SLC17A3: variants seen among roughly 807,000 people sequenced by gnomAD.
SLC17A3 encodes the protein solute carrier family 17 member 3.
A neutral mutation model predicts 60.3 loss-of-function variants in SLC17A3; 61 were observed. The ratio of observed to expected loss-of-function variants is 1.01; its 90% CI spans 0.82 to 1.25. The LOEUF is 1.25. SLC17A3 is among the 50% of genes most tolerant of loss of function. The pLI is 0.00. For synonymous variants in SLC17A3, 192 were observed against 208.9 expected, an observed-to-expected ratio of 0.92 and a Z score of 0.70; for missense variants, 624 against 594.9, an observed-to-expected ratio of 1.05 and a Z score of -0.51.
At chr6:25,846,665 C>T (rs1265400909) in intron 11 of SLC17A3, among the ~76,000 whole-genome samples, 1 of 152,144 alleles carries the variant, frequency 6.6e-6, no homozygotes, top group Non-Finnish European at 1.5e-5. Flanking sequence ...GGCTGGAGTA[C>T]AGTGGCACGA....
chr6:25,847,044 AGTT>A (rs1475493724), intron 11 of SLC17A3, among the ~76,000 whole-genome samples: 1 of 151,298 alleles, frequency 6.6e-6, no homozygotes, highest in African/African-American at 2.4e-5. Flanking sequence ...AGTCCCCAAT[AGTT>A]TTTTTTTTCT....
At chr6:25,872,583 C>CAT (rs3034382) in intron 1 of SLC17A3, among the ~76,000 whole-genome samples, 101,056 of 146,236 alleles carry the variant, frequency 0.69, 35,500 homozygotes, top group East Asian at 0.84. Flanking sequence ...ATATTTTATA[C>CAT]ATATATATAT....
intron 1 of SLC17A3, among the ~76,000 whole-genome samples, chr6:25,869,126 T>G (rs550161190): frequency 1.4e-4 from 21 of 152,116 alleles, no homozygotes; most frequent in Non-Finnish European, 2.5e-4. Flanking sequence ...GTTCTAGAAA[T>G]AACTAACATG....
intron 5 of SLC17A3, among the ~76,000 whole-genome samples, chr6:25,857,760 C>T (rs1236383310): frequency 6.6e-6 from 1 of 152,118 alleles, no homozygotes; most frequent in Admixed American, 6.5e-5. Flanking sequence ...AAAACAGCAT[C>T]TTTTTCTACC....
chr6:25,855,378 T>G (rs1765341916), intron 5 of SLC17A3, 148 bp from the exon 6 acceptor site: 1 of 641,246 alleles, frequency 1.6e-6, no homozygotes, highest in African/African-American at 1.8e-5. Flanking sequence ...ATTTATGATT[T>G]AAGAACATAT....
Position 25,845,385 on chromosome 6 carries a change from T to C in SLC17A3, c.1494A>G (p.Leu498=), listed in dbSNP as rs377397851. ...ATAAAATCACTATCCTTTACCTTCA[T>C]AAACGAGTGAGTTTTCTCTCTTTAG... ...EWAKERKLTR[L] The change falls in exon 12 of 13, where the codon TTA becomes TTG. Residue 498 remains leucine, a synonymous_variant. Transcript: ENST00000397060. The C allele has an allele frequency of 6.2e-7, 1 of 1,613,974 alleles. No homozygotes were observed. Among genetic ancestry groups the C allele is most frequent in the Non-Finnish European group, 8.5e-7 (1 of 1,179,892 alleles).
At position 25,855,433 on chromosome 6, in the gene SLC17A3, T is replaced by C. The variant is rs549670749; in HGVS notation, c.626-203A>G. On this transcript the variant is annotated intron_variant, in intron 5 of 12. Transcript: ENST00000397060. ...AGAGCACATTTTTCTGGTAGTTCCC[T>C]ATAACATAGCAGATGACTGTCATAC... Among the ~76,000 whole-genome samples the C allele has an allele frequency of 2.0e-5, 3 of 152,344 alleles. No individual in the cohort carries two copies. In the East Asian group the frequency reaches 5.8e-4, roughly 29 times the overall value.
Position 25,861,665 on chromosome 6 carries a change from G to A in SLC17A3, c.584C>T (p.Pro195Leu). Residue 195 changes from proline (P) to leucine (L), a missense_variant, in exon 5 of 13, where the codon CCT becomes CTT. Transcript: ENST00000397060. ...GQFAIWEKWG[P>L]PQERSRLCSI... ...GCAGAGTCTGCTTCGTTCTTGTGGA[G>A]GGCCCCACTTTTCCCAAATTGCAAA... is the stretch of plus-strand genomic sequence containing the variant. The A allele has an allele frequency of 6.2e-7, 1 of 1,614,012 alleles. No individual in the cohort carries two copies. The highest frequency in any genetic ancestry group is 8.5e-7 in the Non-Finnish European group (1 of 1,179,916).
intron 11 of SLC17A3, among the ~76,000 whole-genome samples, chr6:25,847,046 T>G (rs1469144656): frequency 3.3e-5 from 5 of 149,342 alleles, no homozygotes; most frequent in Non-Finnish European, 7.5e-5. Context: ...TCCCCAATAG[T>G]TTTTTTTTTC....
At chr6:25,861,494 G>T in intron 5 of SLC17A3, 130 bp downstream of exon 5, 1 of 786,656 alleles carries the variant, frequency 1.3e-6, no homozygotes, top group Non-Finnish European at 2.2e-6. Context: ...CAAAGGACCA[G>T]TCTTTTTAAT....
At chr6:25,850,660 G>GTAATTGGTAA in intron 7 of SLC17A3, 40 bp from the exon 8 acceptor site, 1 of 1,612,776 alleles carries the variant, frequency 6.2e-7, no homozygotes, top group Non-Finnish European at 8.5e-7. Flanking sequence ...AAATCCGACA[G>GTAATTGGTAA]ATGCTCACAC....
chr6:25,849,315 C>A, intron 11 of SLC17A3, 59 bp downstream of exon 11: 1 of 971,658 alleles, frequency 1.0e-6, no homozygotes. Context: ...CATGCTATCA[C>A]CTTTATAAGT....
chr6:25,846,516 A>G (rs1765177147), intron 11 of SLC17A3, among the ~76,000 whole-genome samples: 1 of 152,248 alleles, frequency 6.6e-6, no homozygotes, highest in Non-Finnish European at 1.5e-5. Flanking sequence ...AATATAATCT[A>G]TGAAAACAGA....
chr6:25,849,760 C>G, intron 10 of SLC17A3, 45 bp downstream of exon 10: 1 of 1,602,200 alleles, frequency 6.2e-7, no homozygotes, highest in Non-Finnish European at 8.5e-7. Context: ...AAAGCTAAAT[C>G]TTTTAAAGAA....
intron 5 of SLC17A3, among the ~76,000 whole-genome samples, chr6:25,856,469 C>A (rs933570939): frequency 2.1e-4 from 32 of 152,168 alleles, no homozygotes; most frequent in African/African-American, 6.0e-4. Flanking sequence ...GAACTCCTGG[C>A]CTCAAGTGAT....
chr6:25,860,785 CTTTTAACTTTTCTTTCATG>C (rs1302278327), intron 5 of SLC17A3, among the ~76,000 whole-genome samples: 2 of 152,190 alleles, frequency 1.3e-5, no homozygotes, highest in East Asian at 3.8e-4. Context: ...CAGTCCAAGT[CTTTTAACTTTTCTTTCATG>C]CTTTCCATCT....
In SLC17A3 at chr6:25,862,263, T is replaced by C. The variant is rs777970636; in HGVS notation, c.273A>G (p.Leu91=). 4 of 1,613,784 alleles carry C rather than the reference T, an allele frequency of 2.5e-6. No individual in the cohort carries two copies. The highest frequency in any genetic ancestry group is 2.5e-6 in the Non-Finnish European group (3 of 1,179,756). The change falls in exon 3 of 13, where the codon CTA becomes CTG. Residue 91 remains leucine (L), a synonymous_variant. Coordinates refer to ENST00000397060, the MANE Select transcript of SLC17A3 (RefSeq NM_001098486.2). ...EVLPVDSFGG[L]SKAPKSLPAK... is the part of the protein sequence containing the mutation. ...CAGGAAGACTCTTTGGGGCTTTACT[T>C]AGGCCACCAAATGAGTCAACAGGCA...
At chr6:25,845,645 T>A (rs989976164) in intron 11 of SLC17A3, 129 bp from the exon 12 acceptor site, 48 of 1,067,548 alleles carry the variant, frequency 4.5e-5, no homozygotes, top group Non-Finnish European at 6.8e-5. Flanking sequence ...GAAAGTGGCT[T>A]GATAGTTAAA....
chr6:25,861,159 A>G (rs747590448), intron 5 of SLC17A3, among the ~76,000 whole-genome samples: 3 of 152,182 alleles, frequency 2.0e-5, no homozygotes, highest in Non-Finnish European at 4.4e-5. Flanking sequence ...GTATCCAGGC[A>G]GATCATTGTC....
Sources: gnomAD v4.1 joint callset for allele counts (sites outside exome capture counted in the v4.1 genomes callset) on GRCh38, gnomAD v4.1.1 for gene constraint, MANE v1.5 for transcripts, NCBI Gene and HGNC (gene_info 2026-07-23, HGNC 2026-07-21) for gene names.